The following IL1RAPL2 variants were observed in gnomAD, a reference collection of about 807,000 sequenced individuals.
IL1RAPL2 encodes the protein interleukin 1 receptor accessory protein like 2, also known as X-linked interleukin-1 receptor accessory protein-like 2.
IL1RAPL2 carries 3 observed loss-of-function variants against 44.1 expected under a neutral mutation model. That is an observed-to-expected ratio of 0.07 (90% CI 0.03 to 0.18). The LOEUF is 0.18. Among genes scored for constraint, IL1RAPL2 ranks in the 10% least tolerant of loss-of-function variants. The probability of loss-of-function intolerance (pLI) is 1.00; values close to 1 mark genes in which losing one functional copy is unlikely to be tolerated. For synonymous variants in IL1RAPL2, 181 were observed against 178.8 expected (o/e 1.01, Z -0.10); for missense variants, 391 against 496.4 (o/e 0.79, Z 2.02).
intron 4 of IL1RAPL2, among the ~76,000 whole-genome samples, chrX:105,237,578 C>T (rs781904127): frequency 4.5e-5 from 5 of 112,070 alleles, no homozygotes; most frequent in African/African-American, 1.6e-4. Flanking sequence ...TTTTGATTTG[C>T]ATTTCTCTGA....
At chrX:104,947,751 G>A (rs1454183214) in intron 2 of IL1RAPL2, among the ~76,000 whole-genome samples, 1 of 111,484 alleles carries the variant, frequency 9.0e-6, no homozygotes, top group South Asian at 3.8e-4. Context: ...ATTTCTCAGG[G>A]TTCTGTTCTG....
chrX:104,910,458 T>A (rs975980310), intron 2 of IL1RAPL2, among the ~76,000 whole-genome samples: 1 of 111,966 alleles, frequency 8.9e-6, no homozygotes, highest in Non-Finnish European at 1.9e-5. Flanking sequence ...CATGGTGGCT[T>A]GCTGCACCCA....
intron 2 of IL1RAPL2, among the ~76,000 whole-genome samples, chrX:104,823,244 C>T (rs1441788895): frequency 9.9e-5 from 11 of 111,266 alleles, no homozygotes; most frequent in Non-Finnish European, 1.9e-5. Context: ...AGTGCTATCC[C>T]TTCCCCCTCA....
chrX:105,652,303 A>G (rs995090112), intron 6 of IL1RAPL2, among the ~76,000 whole-genome samples: 6 of 111,459 alleles, frequency 5.4e-5, no homozygotes, highest in Non-Finnish European at 1.1e-4. Flanking sequence ...CTCACACTCA[A>G]GGTTCTTAAT....
chrX:105,705,803 C>G (rs2038161254), intron 6 of IL1RAPL2, among the ~76,000 whole-genome samples: 1 of 111,369 alleles, frequency 9.0e-6, no homozygotes, highest in Admixed American at 9.6e-5. Context: ...CCCCAAACAC[C>G]TAGGAAGGGA....
chrX:104,861,573 G>A (rs988840209), intron 2 of IL1RAPL2, among the ~76,000 whole-genome samples: 1 of 111,132 alleles, frequency 9.0e-6, no homozygotes, highest in Non-Finnish European at 1.9e-5. Flanking sequence ...GAGTATCTGT[G>A]TATATGGTGT....
At chrX:104,913,457 T>C (rs147429307) in intron 2 of IL1RAPL2, among the ~76,000 whole-genome samples, 1,494 of 111,781 alleles carry the variant, frequency 0.013, 6 homozygotes, top group Non-Finnish European at 0.021. Context: ...GGAAGGGGTA[T>C]GTTCTGTTTT....
intron 1 of IL1RAPL2, among the ~76,000 whole-genome samples, chrX:104,626,299 C>CGCGT (rs1555973858): frequency 2.0e-5 from 2 of 100,892 alleles, no homozygotes; most frequent in Non-Finnish European, 4.0e-5. Flanking sequence ...CTGTCTCATG[C>CGCGT]GTGTGTGTGT....
intron 2 of IL1RAPL2, among the ~76,000 whole-genome samples, chrX:105,077,300 T>C (rs1028144546): frequency 1.5e-4 from 17 of 111,650 alleles, no homozygotes; most frequent in African/African-American, 5.5e-4. Context: ...CCTTCACTTA[T>C]GAAGCTTAGT....
At chrX:104,686,281 A>T (rs1179784264) in intron 2 of IL1RAPL2, among the ~76,000 whole-genome samples, 1 of 112,216 alleles carries the variant, frequency 8.9e-6, no homozygotes, top group East Asian at 2.8e-4. Context: ...GGTGTTATGA[A>T]ATATTCATAT....
chrX:105,382,446 C>T (rs1326343324), intron 5 of IL1RAPL2, among the ~76,000 whole-genome samples: 2 of 108,503 alleles, frequency 1.8e-5, no homozygotes, highest in Non-Finnish European at 3.8e-5. Flanking sequence ...GTTAGAATGG[C>T]GATCATTAAA....
chrX:104,641,303 T>A (rs768754518), intron 1 of IL1RAPL2, among the ~76,000 whole-genome samples: 2 of 111,275 alleles, frequency 1.8e-5, no homozygotes, highest in East Asian at 5.7e-4. Context: ...CCAGGCTACG[T>A]ACTCTGCCTT....
chrX:105,191,865 A>G (rs1449936408), intron 2 of IL1RAPL2, among the ~76,000 whole-genome samples: 4 of 111,878 alleles, frequency 3.6e-5, no homozygotes, highest in Admixed American at 9.5e-5. Context: ...CCTTCCTTCA[A>G]TGCCTCCATT....
At chrX:104,868,756 A>G (rs995436091) in intron 2 of IL1RAPL2, among the ~76,000 whole-genome samples, 1 of 111,962 alleles carries the variant, frequency 8.9e-6, no homozygotes, top group Non-Finnish European at 1.9e-5. Context: ...TTTCTACACA[A>G]ATCAATTTTA....
At chrX:104,884,091 T>C (rs1018713635) in intron 2 of IL1RAPL2, among the ~76,000 whole-genome samples, 1 of 110,313 alleles carries the variant, frequency 9.1e-6, no homozygotes, top group Admixed American at 9.6e-5. Context: ...CAGTCCTCTT[T>C]GTGGTCTAGG....
At chrX:105,188,299 A>G (rs1175542457) in intron 2 of IL1RAPL2, among the ~76,000 whole-genome samples, 1 of 111,077 alleles carries the variant, frequency 9.0e-6, no homozygotes, top group Non-Finnish European at 1.9e-5. Flanking sequence ...AAGGGACAGT[A>G]GAAACCCTGT....
chrX:105,386,677 C>T (rs918077444), intron 5 of IL1RAPL2, among the ~76,000 whole-genome samples: 2 of 111,393 alleles, frequency 1.8e-5, no homozygotes, highest in African/African-American at 6.5e-5. Context: ...TAGAAAAGTC[C>T]TACCCTCCCG....
chrX:104,626,965 C>A (rs905643905), intron 1 of IL1RAPL2, among the ~76,000 whole-genome samples: 1 of 108,858 alleles, frequency 9.2e-6, no homozygotes, highest in Non-Finnish European at 1.9e-5. Context: ...ACTACAGGCA[C>A]GCACCAACAC....
Position 105,341,747 on chromosome X carries a change from C to T in IL1RAPL2, c.697+74206C>T, listed in dbSNP as rs748773668. 9.0e-5 allele frequency among the ~76,000 whole-genome samples: 10 copies of T among 110,771 alleles called. No individual in the cohort carries two copies. In the South Asian group the frequency reaches 2.7e-3, roughly 30 times the overall value. ...GAGATCGAGACTATCCTGGCTAACACGGTGAAACCCTGTCTCTACTAGAAA... is the reference window on the plus strand; with the variant it reads ...GAGATCGAGACTATCCTGGCTAACATGGTGAAACCCTGTCTCTACTAGAAA... On this transcript the variant is annotated intron_variant, in intron 5 of 10. Coordinates refer to ENST00000372582, the MANE Select transcript of IL1RAPL2 (RefSeq NM_017416.2).
Sources: gnomAD v4.1 joint callset for allele counts (sites outside exome capture counted in the v4.1 genomes callset) on GRCh38, gnomAD v4.1.1 for gene constraint, MANE v1.5 for transcripts, NCBI Gene and HGNC (gene_info 2026-07-23, HGNC 2026-07-21) for gene names.